The following CIT variants were observed in gnomAD, a reference collection of about 807,000 sequenced individuals.
CIT encodes the protein citron rho-interacting serine/threonine kinase, also known as citron Rho-interacting kinase.
In CIT, 79 loss-of-function variants were observed where a neutral mutation model predicts 272.7. The ratio of observed to expected loss-of-function variants is 0.29; its 90% CI spans 0.24 to 0.35. The LOEUF is 0.35. CIT is among the 10% of genes least tolerant of loss of function. The probability of loss-of-function intolerance (pLI) is 1.00; values close to 1 mark genes in which losing one functional copy is unlikely to be tolerated. For missense variants in CIT, 1,909 were observed against 2,618.3 expected, an observed-to-expected ratio of 0.73 and a Z score of 5.91; for synonymous variants, 948 against 995.6, an observed-to-expected ratio of 0.95 and a Z score of 0.90.
intron 40 of CIT, 31 bp from the exon 41 acceptor site, chr12:119,704,486 G>A (rs766508316): frequency 1.1e-5 from 18 of 1,597,752 alleles, no homozygotes; most frequent in Middle Eastern, 1.7e-4. Flanking sequence ...GAAAAAGACT[G>A]TCACCAGTGT....
At chr12:119,743,869 GA>G (rs1025982829) in intron 23 of CIT, among the ~76,000 whole-genome samples, 126 of 151,844 alleles carry the variant, frequency 8.3e-4, no homozygotes, top group African/African-American at 2.8e-3. Context: ...CAGCAAAGAA[GA>G]AAAAAAAGTA....
At chr12:119,774,829 C>T (rs1465605125) in intron 16 of CIT, among the ~76,000 whole-genome samples, 8 of 152,030 alleles carry the variant, frequency 5.3e-5, no homozygotes, top group African/African-American at 1.4e-4. Flanking sequence ...AGAAAATCAG[C>T]TGGGTGTAGT....
chr12:119,712,143 C>A lies in CIT; in HGVS notation c.4854+35G>T. On this transcript the variant is annotated intron_variant, in intron 37 of 47. Transcript: ENST00000392521. The surrounding 1 kb of genome is among the most constrained non-coding windows in gnomAD (Gnocchi z 5.2). ...CCAGTTACCAAGTCAGCCCCCTTTA[C>A]AAAGACAACCTCCAGGGCCCGCTTT... is the stretch of plus-strand genomic sequence containing the variant. The A allele has an allele frequency of 1.3e-6, 2 of 1,541,112 alleles. No individual in the cohort carries two copies. The highest frequency in any genetic ancestry group is 8.7e-7 in the Non-Finnish European group (1 of 1,144,444).
intron 9 of CIT, among the ~76,000 whole-genome samples, chr12:119,813,658 ACT>A (rs1363592024): frequency 6.6e-6 from 1 of 152,116 alleles, no homozygotes; most frequent in African/African-American, 2.4e-5. Context: ...CAACAAACCC[ACT>A]CTGTTTCCCA....
chr12:119,830,369 A>C lies in CIT; in HGVS notation c.753+2402T>G, dbSNP rs547188470. On this transcript the variant is annotated intron_variant, in intron 7 of 47. Coordinates refer to ENST00000392521, the MANE Select transcript of CIT (RefSeq NM_001206999.2). Reference sequence around the variant, plus strand: ...AATTATAACTGAAAAGGGCAGTCTGAAGCACTAAAAAATTGAAACTGGGAA... The same window carrying C: ...AATTATAACTGAAAAGGGCAGTCTGCAGCACTAAAAAATTGAAACTGGGAA... 1.6e-3 allele frequency among the ~76,000 whole-genome samples: 243 copies of C among 151,962 alleles called. 1 individual carries two copies. Among genetic ancestry groups the C allele is most frequent in the African/African-American group, 5.7e-3 (235 of 41,432 alleles).
At chr12:119,843,410 G>A (rs578187533) in intron 5 of CIT, among the ~76,000 whole-genome samples, 1 of 152,276 alleles carries the variant, frequency 6.6e-6, no homozygotes, top group East Asian at 1.9e-4. Flanking sequence ...GAGTAGAGAA[G>A]ATGGATGCCT....
Position 119,696,491 on chromosome 12 carries a change from A to C in CIT, c.5882+1168T>G, listed in dbSNP as rs146467396. On this transcript the variant is annotated intron_variant, in intron 46 of 47. Transcript: ENST00000392521. ...TGCCTTTATGGAGAAACAGGTTATC[A>C]GAGGTCCTTACTCTGAAATTCTGGA... 9.7e-3 allele frequency among the ~76,000 whole-genome samples: 1,476 copies of C among 152,268 alleles called. 14 individuals carry two copies. The highest frequency in any genetic ancestry group is 0.023 in the South Asian group (110 of 4,818).
intron 10 of CIT, among the ~76,000 whole-genome samples, chr12:119,797,117 G>A (rs777292765): frequency 5.9e-5 from 9 of 152,206 alleles, no homozygotes; most frequent in East Asian, 1.9e-4. Flanking sequence ...CCAGACTGGC[G>A]CAGAGCTTGG....
intron 46 of CIT, among the ~76,000 whole-genome samples, chr12:119,692,612 G>A (rs574335683): frequency 2.8e-4 from 43 of 152,198 alleles, no homozygotes; most frequent in Non-Finnish European, 5.3e-4. Context: ...AGCTGCTTCC[G>A]CATGACCACA....
At chr12:119,797,377 C>T (rs890603262) in intron 10 of CIT, among the ~76,000 whole-genome samples, 5 of 152,068 alleles carry the variant, frequency 3.3e-5, no homozygotes, top group Non-Finnish European at 7.4e-5. Flanking sequence ...CAGAATAAGG[C>T]AAGTAGGAGA....
rs781164642 is a variant in CIT, at chr12:119,770,436, A to G, written c.2208+349T>C. ...AACCCCTACAGCTTTTTAAATTGGC[A>G]ATGCGAAGTTGACAGCTATCCAAAG... is the stretch of plus-strand genomic sequence containing the variant. On this transcript the variant is annotated intron_variant, in intron 18 of 47. Coordinates refer to ENST00000392521, the MANE Select transcript of CIT (RefSeq NM_001206999.2). This position sits in a 1 kb window ranked among gnomAD's most constrained non-coding sequence, Gnocchi z 4.4. 1.3e-5 allele frequency among the ~76,000 whole-genome samples: 2 copies of G among 152,084 alleles called. No individual in the cohort carries two copies. Among genetic ancestry groups the G allele is most frequent in the African/African-American group, 2.4e-5 (1 of 41,402 alleles).
At chr12:119,746,166 G>A (rs76501386) in intron 23 of CIT, among the ~76,000 whole-genome samples, 182 of 152,274 alleles carry the variant, frequency 1.2e-3, no homozygotes, top group African/African-American at 4.2e-3. Flanking sequence ...TCTTCCTAGA[G>A]AAAGAATAAG....
Position 119,714,230 on chromosome 12 carries a change from C to T in CIT, c.4273G>A (p.Val1425Met), listed in dbSNP as rs200050343. 1.4e-4 allele frequency: 222 copies of T among 1,614,084 alleles called. No homozygotes were observed. The highest frequency in any genetic ancestry group is 1.8e-4 in the Non-Finnish European group (208 of 1,180,016). Reference protein sequence around the residue: ...ATKCAVCLDTVHFGRQASKCL... With the variant: ...ATKCAVCLDTMHFGRQASKCL... ...TTGGATGCCTGGCGTCCAAAGTGCA[C>T]GGTATCCAGACACACAGCACACTTT... is the stretch of plus-strand genomic sequence containing the variant. Residue 1425 changes from valine to methionine, a missense_variant, in exon 33 of 48, where the codon GTG becomes ATG. Around this residue, in one of 8 missense-constraint regions of CIT, gnomAD observed 780 missense variants for 1,067.2 expected, o/e 0.73. Coordinates refer to ENST00000392521, the MANE Select transcript of CIT (RefSeq NM_001206999.2).
intron 3 of CIT, among the ~76,000 whole-genome samples, chr12:119,862,339 GCACA>G (rs536128670): frequency 2.6e-5 from 4 of 151,642 alleles, no homozygotes; most frequent in African/African-American, 7.3e-5. Flanking sequence ...TATTTTTAAG[GCACA>G]CACACACACA....
At position 119,735,253 on chromosome 12, in the gene CIT, G is replaced by T; in HGVS notation, c.3063C>A (p.Gly1021=). Residue 1021 remains glycine (G), a synonymous_variant, in exon 25 of 48, where the codon GGC becomes GGA. Coordinates refer to ENST00000392521, the MANE Select transcript of CIT (RefSeq NM_001206999.2). ...YLSKQLDEAS[G]ANDEIVQLRS... is the part of the protein sequence containing the mutation. The stretch of plus-strand genomic sequence containing the variant: ...GCAGTTGTACAATCTCGTCGTTGGC[G>T]CCAGAAGCCTCATCGAGTTGTTTGG... The T allele has an allele frequency of 6.2e-7, 1 of 1,614,130 alleles. No homozygotes were observed. Among genetic ancestry groups the T allele is most frequent in the Non-Finnish European group, 8.5e-7 (1 of 1,180,016 alleles).
intron 3 of CIT, among the ~76,000 whole-genome samples, chr12:119,863,234 C>T (rs1950416381): frequency 7.0e-6 from 1 of 141,890 alleles, no homozygotes; most frequent in South Asian, 2.2e-4. Flanking sequence ...AAGAGGCTGA[C>T]ATTATCCTTA....
intron 19 of CIT, among the ~76,000 whole-genome samples, chr12:119,762,867 C>T (rs914617760): frequency 1.3e-5 from 2 of 152,060 alleles, no homozygotes; most frequent in East Asian, 3.9e-4. Flanking sequence ...AGCAAGACCC[C>T]ATTTCCACAA....
chr12:119,824,374 T>G (rs1566093285), intron 8 of CIT, among the ~76,000 whole-genome samples: 2 of 152,126 alleles, frequency 1.3e-5, no homozygotes, highest in Non-Finnish European at 2.9e-5. Flanking sequence ...TGTTTGAAGA[T>G]TAACTAACTG....
At position 119,701,840 on chromosome 12, in the gene CIT, T is replaced by C. The variant is rs1593394870; in HGVS notation, c.5413+10A>G. On this transcript the variant is annotated intron_variant, in intron 42 of 47. Transcript: ENST00000392521. Reference sequence around the variant, plus strand: ...CCATGGGTGGGTGCGAAAGTGGAGGTGGGTCCTACCCTCGAGCGTGTACTG... The same window carrying C: ...CCATGGGTGGGTGCGAAAGTGGAGGCGGGTCCTACCCTCGAGCGTGTACTG... 1.9e-6 allele frequency: 3 copies of C among 1,613,790 alleles called. No individual in the cohort carries two copies. The highest frequency in any genetic ancestry group is 1.7e-6 in the Non-Finnish European group (2 of 1,179,840).
Sources: allele counts gnomAD v4.1 joint callset (sites outside exome capture counted in the v4.1 genomes callset), GRCh38; gene constraint gnomAD v4.1.1; regional missense constraint gnomAD v4.1.1; non-coding constraint Gnocchi (gnomAD v3.1); transcripts MANE v1.5; gene names NCBI Gene and HGNC (gene_info 2026-07-23, HGNC 2026-07-21).